TTLL5: variants seen among roughly 807,000 people sequenced by gnomAD.
The protein encoded by TTLL5 is tubulin tyrosine ligase like 5.
In TTLL5, 132 loss-of-function variants were observed where a neutral mutation model predicts 168.4. The observed-to-expected ratio is 0.78, with a 90% CI of 0.68 to 0.91. The LOEUF (loss-of-function observed/expected upper bound fraction) is 0.91, where lower values mean the gene tolerates loss of function less well. Among genes scored for constraint, TTLL5 ranks in the 40% least tolerant of loss-of-function variants. The pLI is 0.00. For synonymous variants in TTLL5, 546 were observed against 558.6 expected (o/e 0.98, Z 0.32); for missense variants, 1,545 against 1,581.5 (o/e 0.98, Z 0.39).
intron 17 of TTLL5, among the ~76,000 whole-genome samples, chr14:75,748,848 T>C (rs950514243): frequency 4.6e-5 from 7 of 152,210 alleles, no homozygotes; most frequent in Admixed American, 1.3e-4. Context: ...TTCTGTGATT[T>C]CTAGTAAGGT....
chr14:75,811,337 GT>G (rs1284049456), intron 27 of TTLL5, among the ~76,000 whole-genome samples: 4 of 151,876 alleles, frequency 2.6e-5, no homozygotes, highest in African/African-American at 9.7e-5. Context: ...TCCCCAAGCT[GT>G]TTATCTGTCT....
intron 27 of TTLL5, chr14:75,814,743 A>C (rs886574398): frequency 6.6e-6 from 1 of 152,220 alleles, no homozygotes; most frequent in African/African-American, 2.4e-5. Flanking sequence ...TCAGGTGTAA[A>C]TCTGTATACG....
At chr14:75,851,788 A>G (rs994896121) in intron 28 of TTLL5, among the ~76,000 whole-genome samples, 2 of 152,084 alleles carry the variant, frequency 1.3e-5, no homozygotes, top group Non-Finnish European at 2.9e-5. Flanking sequence ...TTTATCACCC[A>G]GGTGATCTCA....
chr14:75,733,208 C>G (rs948179261), intron 13 of TTLL5, among the ~76,000 whole-genome samples: 11 of 152,318 alleles, frequency 7.2e-5, no homozygotes, highest in African/African-American at 2.4e-4. Flanking sequence ...TGTTATGCAA[C>G]TTTCGTCAAG....
At chr14:75,841,610 G>A (rs1028551772) in intron 28 of TTLL5, among the ~76,000 whole-genome samples, 1 of 152,126 alleles carries the variant, frequency 6.6e-6, no homozygotes, top group Non-Finnish European at 1.5e-5. Context: ...AGTTAAGAAA[G>A]GTTCTAATTT....
At chr14:75,781,263 A>G (rs1338736487) in intron 24 of TTLL5, among the ~76,000 whole-genome samples, 1 of 152,224 alleles carries the variant, frequency 6.6e-6, no homozygotes, top group East Asian at 1.9e-4. Flanking sequence ...CATAAGATCC[A>G]TACCTGTGTA....
At chr14:75,706,729 A>G (rs1886683590) in intron 7 of TTLL5, among the ~76,000 whole-genome samples, 1 of 151,986 alleles carries the variant, frequency 6.6e-6, no homozygotes, top group East Asian at 1.9e-4. Flanking sequence ...ATGTATATAC[A>G]TCTTTAAGGC....
In TTLL5 at chr14:75,863,660, T is replaced by A. The variant is rs753274910; in HGVS notation, c.3327-7T>A. Reference sequence around the variant, plus strand: ...ACTCTAAGAAACCTGCTTGCTTTTCTCTTCAGGAGCCTGCAGACAGGGGGA... The same window carrying A: ...ACTCTAAGAAACCTGCTTGCTTTTCACTTCAGGAGCCTGCAGACAGGGGGA... On this transcript the variant is annotated splice_polypyrimidine_tract_variant and splice_region_variant and intron_variant, in intron 28 of 31. Coordinates refer to ENST00000298832, the MANE Select transcript of TTLL5 (RefSeq NM_015072.5). The A allele has an allele frequency of 1.9e-6, 3 of 1,588,902 alleles. No individual in the cohort carries two copies. Among genetic ancestry groups the A allele is most frequent in the East Asian group, 2.3e-5 (1 of 44,228 alleles).
At chr14:75,880,168 C>T (rs2031728010) in intron 29 of TTLL5, among the ~76,000 whole-genome samples, 2 of 151,630 alleles carry the variant, frequency 1.3e-5, no homozygotes, top group Admixed American at 1.3e-4. Context: ...TGTGTACATA[C>T]ATATATAGAT....
In TTLL5 at chr14:75,953,496, G is replaced by A. The variant is rs148644855; in HGVS notation, c.3824-928G>A. ...TAAAATTCAACAGTATATTATATAG[G>A]GGCATAAAGATCATAAACCTGTTTT... On this transcript the variant is annotated intron_variant, in intron 31 of 31. Coordinates refer to ENST00000298832, the MANE Select transcript of TTLL5 (RefSeq NM_015072.5). Among the ~76,000 whole-genome samples the A allele has an allele frequency of 1.4e-3, 206 of 152,248 alleles. 4 individuals are homozygous for A. In the South Asian group the frequency reaches 0.026, roughly 20 times the overall value.
Position 75,863,926 on chromosome 14 carries a change from A to AAAAAAAAAAAG in TTLL5, c.3522+72_3522+73insAAGAAAAAAAA, listed in dbSNP as rs1325156608. 7.6e-5 allele frequency: 95 copies of AAAAAAAAAAAG among 1,257,802 alleles called. 1 individual carries two copies. The highest frequency in any genetic ancestry group is 2.3e-4 in the Admixed American group (7 of 30,792). 77.9% of individuals were successfully genotyped at this position (1,257,802 alleles called of 1,614,324 possible). On this transcript the variant is annotated intron_variant, in intron 29 of 31. Coordinates refer to ENST00000298832, the MANE Select transcript of TTLL5 (RefSeq NM_015072.5). ...CTGCTGTTGGTAAAAAAAAAAAAAAAAAAAAAAAGGTCAGTGAATGAGAAA... is the reference window on the plus strand; with the variant it reads ...CTGCTGTTGGTAAAAAAAAAAAAAAAAAAAAAAAAAGAAAAAAAAGGTCAGTGAATGAGAAA...
At chr14:75,892,773 C>CT (rs2032465503) in intron 30 of TTLL5, among the ~76,000 whole-genome samples, 1 of 152,160 alleles carries the variant, frequency 6.6e-6, no homozygotes, top group South Asian at 2.1e-4. Context: ...GACTATGGGC[C>CT]TTACAGAGTC....
intron 5 of TTLL5, among the ~76,000 whole-genome samples, chr14:75,685,498 G>T (rs1429368820): frequency 6.6e-6 from 1 of 151,952 alleles, no homozygotes; most frequent in Admixed American, 6.6e-5. Context: ...GCTTAAACAT[G>T]CAAGAGGATA....
At chr14:75,751,739 G>A (rs1447597647) in intron 17 of TTLL5, among the ~76,000 whole-genome samples, 8 of 152,136 alleles carry the variant, frequency 5.3e-5, no homozygotes, top group Admixed American at 5.2e-4. Flanking sequence ...AGGTGAGAGA[G>A]TGTTACTGGA....
chr14:75,733,902 C>G, intron 13 of TTLL5, 87 bp from the exon 14 acceptor site: 1 of 1,248,662 alleles, frequency 8.0e-7, no homozygotes, highest in Non-Finnish European at 1.2e-6. Context: ...CATTTGGAAA[C>G]TTTGCTATAT....
chr14:75,867,501 C>T (rs1174847218), intron 29 of TTLL5, among the ~76,000 whole-genome samples: 1 of 152,170 alleles, frequency 6.6e-6, no homozygotes, highest in Non-Finnish European at 1.5e-5. Flanking sequence ...GTGGCTTATG[C>T]CTGTAATCCC....
chr14:75,910,565 C>T (rs187037623), intron 31 of TTLL5, among the ~76,000 whole-genome samples: 12 of 152,354 alleles, frequency 7.9e-5, no homozygotes, highest in African/African-American at 2.9e-4. Flanking sequence ...CTCATATCCT[C>T]AGGGCATAAT....
chr14:75,896,895 T>C (rs889380053), intron 30 of TTLL5, among the ~76,000 whole-genome samples: 42 of 152,206 alleles, frequency 2.8e-4, no homozygotes, highest in African/African-American at 4.8e-5. Context: ...ATATATGTTA[T>C]ATAGTTATAT....
chr14:75,776,765 G>A lies in TTLL5; in HGVS notation c.2302G>A (p.Glu768Lys). ...TGGGTAGGAAACAGAACAAATGGCT[G>A]AAAAGAAATCAAAGAAGAAAGTTGA... ...VYNKETEQMA[E>K]KKSKKKVEEE... The change falls in exon 23 of 32, where the codon GAA (glutamate) becomes AAA (lysine). Residue 768 changes from glutamate to lysine, a missense_variant. Physicochemically the swap from Glu to Lys is moderately conservative, Grantham distance 56 (BLOSUM62 1). Transcript: ENST00000298832. 1 of 1,613,796 alleles carries A rather than the reference G, an allele frequency of 6.2e-7. No individual in the cohort carries two copies. Among genetic ancestry groups the A allele is most frequent in the Non-Finnish European group, 8.5e-7 (1 of 1,179,792 alleles).
Sources: allele counts gnomAD v4.1 joint callset (sites outside exome capture counted in the v4.1 genomes callset), GRCh38; gene constraint gnomAD v4.1.1; transcripts MANE v1.5; gene names NCBI Gene and HGNC (gene_info 2026-07-23, HGNC 2026-07-21).